Variants in RORA observed in about 807,000 individuals in gnomAD.
RORA encodes nuclear receptor ROR-alpha.
Under a neutral mutation model 69.5 loss-of-function variants are expected in RORA, and 7 were observed. That is an observed-to-expected ratio of 0.10 (90% CI 0.06 to 0.19). The LOEUF is 0.19. Ranked by LOEUF, RORA falls within the 10% of genes least tolerant of loss-of-function variation. RORA has a pLI of 1.00. For synonymous variants in RORA, 261 were observed against 240.8 expected (o/e 1.08, Z -0.78); for missense variants, 457 against 663.0 (o/e 0.69, Z 3.41).
intron 1 of RORA, among the ~76,000 whole-genome samples, chr15:61,048,697 C>T (rs1279166886): frequency 1.3e-5 from 2 of 152,094 alleles, no homozygotes; most frequent in Non-Finnish European, 2.9e-5. Flanking sequence ...CCAACAGGAC[C>T]CATAGAGTCC....
intron 1 of RORA, among the ~76,000 whole-genome samples, chr15:60,806,318 C>CT (rs1410735407): frequency 3.9e-5 from 6 of 152,220 alleles, no homozygotes; most frequent in African/African-American, 1.4e-4. Context: ...TCTGCACACT[C>CT]TGACTATAAG....
intron 1 of RORA, among the ~76,000 whole-genome samples, chr15:60,786,642 T>G (rs945866954): frequency 6.6e-6 from 1 of 152,218 alleles, no homozygotes; most frequent in Admixed American, 6.5e-5. Flanking sequence ...AGCTTCGTGA[T>G]GCACAGAGAC....
At chr15:60,841,462 T>C (rs971278603) in intron 1 of RORA, among the ~76,000 whole-genome samples, 1 of 152,222 alleles carries the variant, frequency 6.6e-6, no homozygotes, top group African/African-American at 2.4e-5. Flanking sequence ...GGCTCTTTCT[T>C]GTTTTCTCTC....
At chr15:60,743,837 C>G (rs1595678201) in intron 1 of RORA, among the ~76,000 whole-genome samples, 1 of 152,322 alleles carries the variant, frequency 6.6e-6, no homozygotes. Context: ...GCTTCTCTTT[C>G]CCTCTTGTCT....
At chr15:60,617,291 C>T (rs1287824293) in intron 2 of RORA, among the ~76,000 whole-genome samples, 1 of 152,098 alleles carries the variant, frequency 6.6e-6, no homozygotes, top group Non-Finnish European at 1.5e-5. Context: ...GCACCCAGCC[C>T]CAGTCTTCAT....
At chr15:60,535,192 T>C (rs1230026831) in intron 2 of RORA, among the ~76,000 whole-genome samples, 2 of 152,214 alleles carry the variant, frequency 1.3e-5, no homozygotes, top group African/African-American at 2.4e-5. Context: ...ACAGCACTAC[T>C]GTCAACGTTC....
intron 1 of RORA, among the ~76,000 whole-genome samples, chr15:60,731,091 A>G (rs769805658): frequency 1.3e-5 from 2 of 152,172 alleles, no homozygotes; most frequent in Non-Finnish European, 2.9e-5. Flanking sequence ...TCATATATTG[A>G]GGCTAACCCA....
At chr15:60,859,008 G>A (rs978645334) in intron 1 of RORA, among the ~76,000 whole-genome samples, 7 of 151,714 alleles carry the variant, frequency 4.6e-5, no homozygotes, top group African/African-American at 7.3e-5. Context: ...TGGGGGCTTG[G>A]GAATGAATTG....
chr15:60,669,140 C>T (rs941804059), intron 2 of RORA, among the ~76,000 whole-genome samples: 7 of 152,150 alleles, frequency 4.6e-5, no homozygotes, highest in East Asian at 3.9e-4. Flanking sequence ...AACCATTAGC[C>T]GCAAAATTCA....
chr15:60,959,753 G>A (rs371287594), intron 1 of RORA, among the ~76,000 whole-genome samples: 10 of 152,078 alleles, frequency 6.6e-5, no homozygotes, highest in Admixed American at 2.0e-4. Context: ...AAAAAACACC[G>A]GATTAAATGG....
At chr15:61,033,235 G>A (rs567652177) in intron 1 of RORA, among the ~76,000 whole-genome samples, 2 of 152,238 alleles carry the variant, frequency 1.3e-5, no homozygotes, top group African/African-American at 4.8e-5. Flanking sequence ...TCTTCCATGA[G>A]GCAAGAGCTG....
At chr15:60,998,966 T>C (rs1401016782) in intron 1 of RORA, among the ~76,000 whole-genome samples, 2 of 151,808 alleles carry the variant, frequency 1.3e-5, no homozygotes, top group Admixed American at 6.6e-5. Flanking sequence ...TTGGGAGAGG[T>C]TGAAGACAGC....
At chr15:60,516,107 A>AT (rs2065910839) in intron 3 of RORA, among the ~76,000 whole-genome samples, 2 of 61,504 alleles carry the variant, frequency 3.3e-5, no homozygotes, top group Non-Finnish European at 3.1e-5. Context: ...ATATTTATAT[A>AT]TTATATTATA....
At chr15:60,863,034 A>G (rs1298235867) in intron 1 of RORA, among the ~76,000 whole-genome samples, 1 of 152,240 alleles carries the variant, frequency 6.6e-6, no homozygotes. Context: ...AAACTTGGGC[A>G]TTAAAAATGG....
intron 2 of RORA, among the ~76,000 whole-genome samples, chr15:60,672,653 T>G (rs1478649652): frequency 1.3e-5 from 2 of 152,224 alleles, no homozygotes; most frequent in Non-Finnish European, 2.9e-5. Context: ...AACGAGGTTT[T>G]TCACTTCTCT....
intron 1 of RORA, among the ~76,000 whole-genome samples, chr15:61,097,028 G>A (rs1321257219): frequency 6.6e-6 from 1 of 152,206 alleles, no homozygotes; most frequent in South Asian, 2.1e-4. Flanking sequence ...GCATCCAGAG[G>A]CTCTTACTCT....
chr15:60,504,138 T>C (rs2065418672), intron 6 of RORA, among the ~76,000 whole-genome samples: 1 of 152,106 alleles, frequency 6.6e-6, no homozygotes, highest in Non-Finnish European at 1.5e-5. Context: ...CCTTGGGAAA[T>C]TTAACACCAC....
intron 1 of RORA, among the ~76,000 whole-genome samples, chr15:60,936,272 T>C (rs1892520427): frequency 6.6e-6 from 1 of 152,236 alleles, no homozygotes; most frequent in South Asian, 2.1e-4. Flanking sequence ...GTCTTCTGTC[T>C]ATCTACTCAC....
At chr15:60,578,908 CGCCCGCCACCA>C (rs1174310841) in intron 2 of RORA, among the ~76,000 whole-genome samples, 4 of 151,682 alleles carry the variant, frequency 2.6e-5, no homozygotes, top group Non-Finnish European at 5.9e-5. Context: ...GGACTACAGG[CGCCCGCCACCA>C]TGCCCAGCTA....
Sources: gnomAD v4.1 joint callset for allele counts (sites outside exome capture counted in the v4.1 genomes callset) on GRCh38, gnomAD v4.1.1 for gene constraint, MANE v1.5 for transcripts, NCBI Gene and HGNC (gene_info 2026-07-23, HGNC 2026-07-21) for gene names.